DPP10: variants seen among roughly 807,000 people sequenced by gnomAD.
The protein encoded by DPP10 is inactive dipeptidyl peptidase 10.
In DPP10, 33 loss-of-function variants were observed where a neutral mutation model predicts 120.9. The observed-to-expected ratio is 0.27, with a 90% CI of 0.21 to 0.37. DPP10 has a LOEUF of 0.37. DPP10 is among the 10% of genes least tolerant of loss of function. The pLI, the probability that DPP10 is intolerant of heterozygous loss-of-function variation, is 1.00. For missense variants in DPP10, 816 were observed against 942.8 expected, an observed-to-expected ratio of 0.87 and a Z score of 1.76; for synonymous variants, 337 against 326.1, an observed-to-expected ratio of 1.03 and a Z score of -0.36.
At chr2:115,023,188 AAAT>A (rs1310487988) in intron 1 of DPP10, among the ~76,000 whole-genome samples, 1 of 152,186 alleles carries the variant, frequency 6.6e-6, no homozygotes, top group Admixed American at 6.5e-5. Flanking sequence ...ACAGCAAAAG[AAAT>A]AATCAGCAAA....
At chr2:114,462,186 T>G (rs757172824) in intron 1 of DPP10, 112 of 982,650 alleles carry the variant, frequency 1.1e-4, no homozygotes, top group Non-Finnish European at 1.3e-4. Context: ...TTAGAATAGT[T>G]TGATATTTAC....
chr2:114,691,165 A>G (rs1253934392), intron 1 of DPP10, among the ~76,000 whole-genome samples: 1 of 152,128 alleles, frequency 6.6e-6, no homozygotes, highest in Non-Finnish European at 1.5e-5. Flanking sequence ...GAATGCTTTC[A>G]GCTTTTGCCC....
At chr2:115,540,410 ATTTG>A (rs1422327850) in intron 5 of DPP10, among the ~76,000 whole-genome samples, 4 of 151,854 alleles carry the variant, frequency 2.6e-5, no homozygotes, top group East Asian at 1.9e-4. Flanking sequence ...CATTATAGTC[ATTTG>A]TTTGTTTCTT....
chr2:114,547,755 T>C (rs965903161), intron 1 of DPP10, among the ~76,000 whole-genome samples: 3 of 152,228 alleles, frequency 2.0e-5, no homozygotes, highest in Non-Finnish European at 4.4e-5. Flanking sequence ...AATAGTAGTA[T>C]ACCTTTACCA....
chr2:114,999,208 G>A lies in DPP10; in HGVS notation c.61-310031G>A, dbSNP rs141246055. Among the ~76,000 whole-genome samples the A allele has an allele frequency of 8.2e-4, 125 of 152,280 alleles. 1 individual carries two copies. The highest frequency in any genetic ancestry group is 2.9e-3 in the African/African-American group (119 of 41,564). ...CAAAGTAAATATTAGTTGACTGAATGAGTGAGTGAATGAGTGGAGAGAGCA... is the reference window on the plus strand; with the variant it reads ...CAAAGTAAATATTAGTTGACTGAATAAGTGAGTGAATGAGTGGAGAGAGCA... On this transcript the variant is annotated intron_variant, in intron 1 of 25. Coordinates refer to ENST00000410059, the MANE Select transcript of DPP10 (RefSeq NM_020868.6).
chr2:114,878,369 T>A (rs527436303), intron 1 of DPP10, among the ~76,000 whole-genome samples: 22 of 152,238 alleles, frequency 1.4e-4, no homozygotes, highest in Non-Finnish European at 7.4e-5. Context: ...CAAAGTGTAA[T>A]AATCAAACCA....
At chr2:114,559,827 G>GT (rs1379320678) in intron 1 of DPP10, among the ~76,000 whole-genome samples, 2 of 134,198 alleles carry the variant, frequency 1.5e-5, no homozygotes, top group Admixed American at 8.2e-5. Flanking sequence ...TCCCAATTTG[G>GT]TAAAGAATAA....
At position 115,331,564 on chromosome 2, in the gene DPP10, A is replaced by G. The variant is rs986667208; in HGVS notation, c.176-12253A>G. Among the ~76,000 whole-genome samples, 97 of 152,300 alleles carry G rather than the reference A, an allele frequency of 6.4e-4. 1 individual carries two copies. The highest frequency in any genetic ancestry group is 1.3e-3 in the Non-Finnish European group (90 of 68,032). ...GTATGATATTGGCTGTGGGTTTGTC[A>G]TAGATAGCTCTTATTATTTTGAGAT... On this transcript the variant is annotated intron_variant, in intron 2 of 25. Transcript: ENST00000410059.
chr2:115,845,646 C>G lies in DPP10; in HGVS notation c.*3301C>G, dbSNP rs1690556523. On this transcript the variant is annotated 3_prime_UTR_variant, in exon 26 of 26. Coordinates refer to ENST00000410059, the MANE Select transcript of DPP10 (RefSeq NM_020868.6). ...AAACGGCAGGTGTGCTAGCTGTTGT[C>G]TTAGACTCTGCTTTCTGGAAACTAT... 1 of 152,134 alleles carries G rather than the reference C, an allele frequency of 6.6e-6. No homozygotes were observed. Among genetic ancestry groups the G allele is most frequent in the African/African-American group, 2.4e-5 (1 of 41,422 alleles). 9.4% of individuals were successfully genotyped at this position (152,134 alleles called of 1,614,324 possible).
chr2:114,735,215 C>T (rs1677303830), intron 1 of DPP10, among the ~76,000 whole-genome samples: 2 of 152,060 alleles, frequency 1.3e-5, no homozygotes, highest in African/African-American at 2.4e-5. Flanking sequence ...TTGCTGTTAT[C>T]CAAAAGCAAT....
intron 1 of DPP10, among the ~76,000 whole-genome samples, chr2:114,453,539 T>G (rs1678401623): frequency 6.6e-6 from 1 of 152,180 alleles, no homozygotes; most frequent in East Asian, 1.9e-4. Context: ...CTGCTACATC[T>G]AGGGATTTGA....
At chr2:115,064,363 A>C (rs1706666935) in intron 1 of DPP10, among the ~76,000 whole-genome samples, 1 of 152,188 alleles carries the variant, frequency 6.6e-6, no homozygotes, top group East Asian at 1.9e-4. Context: ...AGGGAGAGCC[A>C]ATAGAAAATG....
chr2:115,312,484 G>A (rs2061622375), intron 2 of DPP10, among the ~76,000 whole-genome samples: 1 of 152,110 alleles, frequency 6.6e-6, no homozygotes, highest in Non-Finnish European at 1.5e-5. Context: ...AAATGATCTA[G>A]TCTTGCCTCT....
At chr2:115,111,932 T>A (rs2049246474) in intron 1 of DPP10, among the ~76,000 whole-genome samples, 1 of 152,202 alleles carries the variant, frequency 6.6e-6, no homozygotes, top group East Asian at 1.9e-4. Flanking sequence ...AAGCGGCCAA[T>A]CAGATTCCTG....
At chr2:114,963,637 G>A (rs1212471691) in intron 1 of DPP10, among the ~76,000 whole-genome samples, 1 of 152,156 alleles carries the variant, frequency 6.6e-6, no homozygotes, top group Non-Finnish European at 1.5e-5. Context: ...AGAAAGCAAA[G>A]AGATTCACAG....
chr2:115,370,146 T>G (rs2065314926), intron 3 of DPP10, among the ~76,000 whole-genome samples: 1 of 152,160 alleles, frequency 6.6e-6, no homozygotes, highest in Non-Finnish European at 1.5e-5. Flanking sequence ...AAAGAAAATA[T>G]GTTTAACTGA....
intron 1 of DPP10, among the ~76,000 whole-genome samples, chr2:114,801,464 T>C (rs1307701299): frequency 4.6e-5 from 7 of 152,134 alleles, no homozygotes; most frequent in Admixed American, 2.6e-4. Context: ...ATTAACCTAC[T>C]TGGGGTTTGG....
chr2:115,525,526 C>T (rs1343797555), intron 4 of DPP10, among the ~76,000 whole-genome samples: 1 of 151,910 alleles, frequency 6.6e-6, no homozygotes, highest in Non-Finnish European at 1.5e-5. Context: ...TTATGACAAA[C>T]AGAATGTCAA....
intron 5 of DPP10, among the ~76,000 whole-genome samples, chr2:115,650,330 T>G (rs1196991293): frequency 6.6e-6 from 1 of 151,352 alleles, no homozygotes; most frequent in Non-Finnish European, 1.5e-5. Flanking sequence ...CTGAGTAACT[T>G]TTTTTTGACA....
Sources: gnomAD v4.1 joint callset for allele counts (sites outside exome capture counted in the v4.1 genomes callset) on GRCh38, gnomAD v4.1.1 for gene constraint, MANE v1.5 for transcripts, NCBI Gene and HGNC (gene_info 2026-07-23, HGNC 2026-07-21) for gene names.